Variants in UST observed in about 807,000 individuals in gnomAD.
UST encodes chondroitin sulfate 2-O-sulfotransferase.
In UST, 21 loss-of-function variants were observed where a neutral mutation model predicts 45.6. That is an observed-to-expected ratio of 0.46 (90% CI 0.33 to 0.66). The LOEUF (loss-of-function observed/expected upper bound fraction) is 0.66. UST is among the 30% of genes least tolerant of loss of function. The pLI is 0.02. For missense variants in UST, 463 were observed against 512.4 expected (o/e 0.90, Z 0.93); for synonymous variants, 215 against 200.6 (o/e 1.07, Z -0.61).
chr6:148,805,544 T>C (rs1026561063), intron 1 of UST, among the ~76,000 whole-genome samples: 5 of 152,320 alleles, frequency 3.3e-5, no homozygotes, highest in Admixed American at 1.3e-4. Flanking sequence ...GGTCATTTGA[T>C]TATAAGTGAA....
chr6:148,764,032 A>G (rs1041215058), intron 1 of UST, among the ~76,000 whole-genome samples: 2 of 152,194 alleles, frequency 1.3e-5, no homozygotes, highest in African/African-American at 4.8e-5. Flanking sequence ...TTCTGTGAAA[A>G]TGACATCGGT....
At chr6:148,752,497 A>T (rs1468134115) in intron 1 of UST, among the ~76,000 whole-genome samples, 1 of 152,256 alleles carries the variant, frequency 6.6e-6, no homozygotes, top group Non-Finnish European at 1.5e-5. Flanking sequence ...GAATTCAGCT[A>T]TGGTAATCCG....
At chr6:149,014,653 C>A (rs557606285) in intron 5 of UST, among the ~76,000 whole-genome samples, 5 of 152,138 alleles carry the variant, frequency 3.3e-5, no homozygotes, top group Non-Finnish European at 7.4e-5. Flanking sequence ...TAACTCTCCC[C>A]GCCAGAAACC....
chr6:148,879,509 GGAC>G, intron 1 of UST, among the ~76,000 whole-genome samples: 2 of 152,202 alleles, frequency 1.3e-5, no homozygotes, highest in African/African-American at 2.4e-5. Context: ...CAAATACCAT[GGAC>G]TTGTCCCAGA....
At chr6:148,875,622 A>T (rs1778633800) in intron 1 of UST, among the ~76,000 whole-genome samples, 1 of 152,196 alleles carries the variant, frequency 6.6e-6, no homozygotes, top group East Asian at 1.9e-4. Flanking sequence ...TGGCCAACAT[A>T]GTGAAACCCC....
chr6:148,869,927 T>C (rs1778516677), intron 1 of UST, among the ~76,000 whole-genome samples: 1 of 152,134 alleles, frequency 6.6e-6, no homozygotes, highest in Non-Finnish European at 1.5e-5. Context: ...GGAAGCACAA[T>C]TTTATTTTAC....
intron 3 of UST, among the ~76,000 whole-genome samples, chr6:148,944,546 CAG>C (rs1491140688): frequency 1.4e-5 from 2 of 147,888 alleles, no homozygotes; most frequent in African/African-American, 5.0e-5. Context: ...CACACACACA[CAG>C]AGCTAAATTT....
intron 1 of UST, among the ~76,000 whole-genome samples, chr6:148,874,855 G>A (rs143743439): frequency 2.6e-5 from 4 of 152,148 alleles, no homozygotes; most frequent in East Asian, 1.9e-4. Context: ...ATGGTTTAAC[G>A]GTGGAAAGTG....
chr6:148,913,131 G>T (rs920551732), intron 2 of UST, among the ~76,000 whole-genome samples: 1 of 152,164 alleles, frequency 6.6e-6, no homozygotes, highest in Non-Finnish European at 1.5e-5. Context: ...GACTTGCAAT[G>T]CCATTGGCTT....
rs201419491 is a variant in UST at position 148,959,849 on chromosome 6, GA to G, written c.528-4560del. The stretch of plus-strand genomic sequence containing the variant: ...TGTGTTTTGTGATGGATGGTGGGCG[GA>G]GGGGAGTCTAGTCCTGGGCAGAGGA... On this transcript the variant is annotated intron_variant, in intron 4 of 7. Coordinates refer to ENST00000367463, the MANE Select transcript of UST (RefSeq NM_005715.3). Among the ~76,000 whole-genome samples the G allele has an allele frequency of 9.4e-3, 1,427 of 151,812 alleles. 27 individuals carry two copies. The highest frequency in any genetic ancestry group is 0.032 in the African/African-American group (1,329 of 41,344).
intron 1 of UST, among the ~76,000 whole-genome samples, chr6:148,778,887 C>T (rs776873995): frequency 6.6e-6 from 1 of 152,138 alleles, no homozygotes; most frequent in Admixed American, 6.5e-5. Context: ...TCCATCCCAT[C>T]CGGAATCCAG....
intron 1 of UST, among the ~76,000 whole-genome samples, chr6:148,805,064 T>G (rs9386237): frequency 0.032 from 4,907 of 152,258 alleles, 255 homozygotes; most frequent in East Asian, 0.24. Context: ...TTTATATTTT[T>G]GAGTTTCACG....
intron 1 of UST, among the ~76,000 whole-genome samples, chr6:148,809,326 T>G (rs1287166919): frequency 1.3e-5 from 2 of 152,110 alleles, no homozygotes; most frequent in African/African-American, 2.4e-5. Flanking sequence ...TTTTTGTTTT[T>G]TTTTTTTTTC....
At chr6:148,895,432 A>G (rs1385310276) in intron 2 of UST, among the ~76,000 whole-genome samples, 4 of 152,240 alleles carry the variant, frequency 2.6e-5, no homozygotes, top group Non-Finnish European at 4.4e-5. Flanking sequence ...AAAGAAAAAC[A>G]GTAAGGAAGT....
intron 2 of UST, among the ~76,000 whole-genome samples, chr6:148,935,857 GGC>G (rs1395918311): frequency 7.2e-5 from 11 of 152,186 alleles, no homozygotes; most frequent in Non-Finnish European, 2.9e-5. Context: ...AGGAGAGAGA[GGC>G]TAATCTGCTC....
At chr6:148,917,179 C>G (rs1314454265) in intron 2 of UST, among the ~76,000 whole-genome samples, 1 of 152,160 alleles carries the variant, frequency 6.6e-6, no homozygotes, top group East Asian at 1.9e-4. Context: ...AGCAGCACCC[C>G]CCCACCCTCC....
Position 149,021,344 on chromosome 6 carries a change from T to G in UST, c.800T>G (p.Leu267Arg). The G allele has an allele frequency of 6.2e-7, 1 of 1,613,482 alleles. No individual in the cohort carries two copies. Among genetic ancestry groups the G allele is most frequent in the South Asian group, 1.1e-5 (1 of 90,990 alleles). ...PRCREPGEWA[L>R]ERAKLNVNEN... The stretch of plus-strand genomic sequence containing the variant: ...TAAAGGGAGCCTGGTGAATGGGCCC[T>G]TGAGAGAGCAAAGCTGAACGTGAAT... The change falls in exon 7 of 8, where the codon CTT becomes CGT. Residue 267 changes from leucine to arginine, a missense_variant. This residue lies in a region of UST where 287 missense variants were observed against 374.2 expected (regional missense o/e 0.77). Transcript: ENST00000367463.
intron 1 of UST, among the ~76,000 whole-genome samples, chr6:148,867,299 CA>C (rs1778457954): frequency 7.4e-6 from 1 of 134,476 alleles, no homozygotes; most frequent in African/African-American, 3.1e-5. Flanking sequence ...CACACACACA[CA>C]CACACACACA....
chr6:149,004,011 C>A (rs1334475222), intron 5 of UST, among the ~76,000 whole-genome samples: 1 of 152,202 alleles, frequency 6.6e-6, no homozygotes, highest in East Asian at 1.9e-4. Context: ...ACTTAAATTT[C>A]TTTCTAGCAA....
Sources: allele counts gnomAD v4.1 joint callset (sites outside exome capture counted in the v4.1 genomes callset), GRCh38; gene constraint gnomAD v4.1.1; regional missense constraint gnomAD v4.1.1; transcripts MANE v1.5; gene names NCBI Gene and HGNC (gene_info 2026-07-23, HGNC 2026-07-21).